The following CSNK1G3 variants were observed in gnomAD, a reference collection of about 807,000 sequenced individuals.
The protein encoded by CSNK1G3 is casein kinase 1 gamma 3, also known as casein kinase I isoform gamma-3.
CSNK1G3 carries 23 observed loss-of-function variants against 64.3 expected under a neutral mutation model. The ratio of observed to expected loss-of-function variants is 0.36; its 90% CI spans 0.26 to 0.51. The LOEUF (loss-of-function observed/expected upper bound fraction) is 0.51. Among genes scored for constraint, CSNK1G3 ranks in the 20% least tolerant of loss-of-function variants. The pLI is 0.96. For synonymous variants in CSNK1G3, 158 were observed against 162.2 expected (o/e 0.97, Z 0.20); for missense variants, 357 against 510.5 (o/e 0.70, Z 2.90).
At chr5:123,614,276 T>A (rs1396404591) in intron 12 of CSNK1G3, 66 bp from the exon 14 acceptor site, 12 of 1,486,012 alleles carry the variant, frequency 8.1e-6, no homozygotes, top group Middle Eastern at 1.7e-4. Context: ...TAAGTTAAAG[T>A]GATACAGTCA....
At chr5:123,540,362 T>A in intron 1 of CSNK1G3, among the ~76,000 whole-genome samples, 1 of 152,156 alleles carries the variant, frequency 6.6e-6, no homozygotes, top group Non-Finnish European at 1.5e-5. Flanking sequence ...GTATTAGTGA[T>A]AACTCTATTG....
chr5:123,538,923 ACTTAC>A (rs920968439), intron 1 of CSNK1G3, among the ~76,000 whole-genome samples: 2 of 152,136 alleles, frequency 1.3e-5, no homozygotes, highest in South Asian at 4.1e-4. Flanking sequence ...AGAAATTTTT[ACTTAC>A]CTTAAGATAG....
chr5:123,602,274 A>G (rs960014454), intron 10 of CSNK1G3, among the ~76,000 whole-genome samples: 2 of 152,178 alleles, frequency 1.3e-5, no homozygotes, highest in African/African-American at 2.4e-5. Context: ...CTGAATTTCT[A>G]CAATTCCTAA....
At chr5:123,520,292 G>A (rs1370107025) in intron 1 of CSNK1G3, among the ~76,000 whole-genome samples, 1 of 152,058 alleles carries the variant, frequency 6.6e-6, no homozygotes, top group Non-Finnish European at 1.5e-5. Flanking sequence ...ATACATATAT[G>A]TATGGGTTGT....
chr5:123,555,524 G>A lies in CSNK1G3; in HGVS notation c.220-1971G>A, dbSNP rs140692889. ...TTATTTGATAACCTGAGTTCAGAGAGCAGATTTCTGTGACTGCTTTCACTC... is the reference window on the plus strand; with the variant it reads ...TTATTTGATAACCTGAGTTCAGAGAACAGATTTCTGTGACTGCTTTCACTC... On this transcript the variant is annotated intron_variant, in intron 3 of 12. Coordinates refer to ENST00000345990, the Ensembl canonical transcript of CSNK1G3. 7.9e-5 allele frequency among the ~76,000 whole-genome samples: 12 copies of A among 152,232 alleles called. No individual in the cohort carries two copies. In the East Asian group the frequency reaches 2.1e-3, roughly 27 times the overall value.
At chr5:123,596,382 A>G (rs1286681039) in intron 10 of CSNK1G3, among the ~76,000 whole-genome samples, 4 of 152,048 alleles carry the variant, frequency 2.6e-5, no homozygotes, top group African/African-American at 4.8e-5. Flanking sequence ...AACACAAACT[A>G]TATTTTGTAT....
At chr5:123,584,576 C>A (rs905477847) in intron 6 of CSNK1G3, among the ~76,000 whole-genome samples, 7 of 152,020 alleles carry the variant, frequency 4.6e-5, no homozygotes, top group African/African-American at 1.7e-4. Context: ...CTTATAGTTT[C>A]CTTTAATTGT....
Position 123,518,221 on chromosome 5 carries a change from C to G in CSNK1G3, c.-248+5651C>G, listed in dbSNP as rs1035013040. Among the ~76,000 whole-genome samples the G allele has an allele frequency of 2.6e-5, 4 of 152,216 alleles. No individual in the cohort carries two copies. The East Asian group carries it at 5.8e-4, about 22-fold the overall frequency. ...ATATATACCAGGAGCACTTGAGCCT[C>G]CTATCTCACCTAGCTCAGTCCAAAT... On this transcript the variant is annotated intron_variant, in intron 1 of 12. Coordinates refer to ENST00000345990, the Ensembl canonical transcript of CSNK1G3.
chr5:123,512,803 A>G (rs1468310249), intron 1 of CSNK1G3, among the ~76,000 whole-genome samples: 1 of 143,622 alleles, frequency 7.0e-6, no homozygotes, highest in Non-Finnish European at 1.5e-5. Flanking sequence ...GAGGGCGCGG[A>G]GGGCTAGGGG....
intron 1 of CSNK1G3, among the ~76,000 whole-genome samples, chr5:123,544,197 A>G (rs972339788): frequency 1.3e-5 from 2 of 152,142 alleles, no homozygotes; most frequent in Non-Finnish European, 2.9e-5. Flanking sequence ...GAACGATCCT[A>G]TAAAATCCCC....
chr5:123,537,383 C>T (rs1013793003), intron 1 of CSNK1G3, among the ~76,000 whole-genome samples: 3 of 144,424 alleles, frequency 2.1e-5, no homozygotes, highest in Non-Finnish European at 4.5e-5. Flanking sequence ...AATGTTTATA[C>T]ATGGACTTAG....
intron 6 of CSNK1G3, among the ~76,000 whole-genome samples, chr5:123,583,358 A>G (rs1310257645): frequency 2.1e-4 from 12 of 56,714 alleles, no homozygotes; most frequent in Admixed American, 1.9e-3. Flanking sequence ...ATAGAAATCC[A>G]GTTTTTTTTT....
At chr5:123,561,226 G>T (rs1441542707) in intron 4 of CSNK1G3, among the ~76,000 whole-genome samples, 1 of 152,078 alleles carries the variant, frequency 6.6e-6, no homozygotes, top group Non-Finnish European at 1.5e-5. Flanking sequence ...TTAATGTATT[G>T]AATAGTCTTG....
Position 123,548,662 on chromosome 5 carries a change from C to T in CSNK1G3, c.178+2821C>T, listed in dbSNP as rs972384655. 6.0e-5 allele frequency among the ~76,000 whole-genome samples: 9 copies of T among 151,202 alleles called. No homozygotes were observed. In the East Asian group the frequency reaches 1.7e-3, roughly 29 times the overall value. ...AGTTCCAGTTACTGGAGTGGAGTGG[C>T]TGAGTTAGGAAGACAGGAGGATAGC... On this transcript the variant is annotated intron_variant, in intron 2 of 12. Transcript: ENST00000345990.
chr5:123,512,375 G>A (rs550922860), exon 1 of CSNK1G3: 1 of 152,474 alleles, frequency 6.6e-6, no homozygotes, highest in East Asian at 1.9e-4. Flanking sequence ...TCCGAGCAGC[G>A]CTGCGTTACC....
intron 10 of CSNK1G3, among the ~76,000 whole-genome samples, chr5:123,593,202 TACAC>T (rs1554081831): frequency 3.8e-4 from 56 of 146,926 alleles, no homozygotes; most frequent in East Asian, 1.0e-3. Context: ...TGTGTATATA[TACAC>T]ACACACACAC....
chr5:123,605,306 T>TC, intron 11 of CSNK1G3, 33 bp from the exon 13 acceptor site: 1 of 1,577,510 alleles, frequency 6.3e-7, no homozygotes, highest in South Asian at 1.2e-5. Context: ...CTCTTTTTTT[T>TC]CCTTGTATTT....
At position 123,522,917 on chromosome 5, in the gene CSNK1G3, A is replaced by G. The variant is rs540937115; in HGVS notation, c.-248+10347A>G. Among the ~76,000 whole-genome samples, 3 of 152,276 alleles carry G rather than the reference A, an allele frequency of 2.0e-5. No homozygotes were observed. The South Asian group carries it at 6.2e-4, about 32-fold the overall frequency. On this transcript the variant is annotated intron_variant, in intron 1 of 12. Transcript: ENST00000345990. ...AGCTTGGAAAGTTTGTTATGGGGAA[A>G]TTTATCAAATATAAATTAAGGCATC...
chr5:123,561,892 T>A (rs1785803404), intron 4 of CSNK1G3, among the ~76,000 whole-genome samples: 1 of 152,122 alleles, frequency 6.6e-6, no homozygotes, highest in Admixed American at 6.6e-5. Flanking sequence ...ATTGGTATAG[T>A]AAAAAAGTTC....
Sources: allele counts gnomAD v4.1 joint callset (sites outside exome capture counted in the v4.1 genomes callset), GRCh38; gene constraint gnomAD v4.1.1; transcripts MANE v1.5; gene names NCBI Gene and HGNC (gene_info 2026-07-23, HGNC 2026-07-21).